The following NDUFS1 variants were observed in gnomAD, a reference collection of about 807,000 sequenced individuals.
The protein encoded by NDUFS1 is NADH-ubiquinone oxidoreductase 75 kDa subunit, mitochondrial.
Under a neutral mutation model 84.4 loss-of-function variants are expected in NDUFS1, and 61 were observed. The ratio of observed to expected loss-of-function variants is 0.72; its 90% CI spans 0.59 to 0.89. The LOEUF (loss-of-function observed/expected upper bound fraction) is 0.89. Ranked by LOEUF, NDUFS1 falls within the 40% of genes least tolerant of loss-of-function variation. The pLI is 0.00. For synonymous variants in NDUFS1, 275 were observed against 290.0 expected (o/e 0.95, Z 0.53); for missense variants, 891 against 890.0 (o/e 1.00, Z -0.01).
At chr2:206,130,373 G>GC in intron 14 of NDUFS1, 131 bp from the exon 15 acceptor site, 1 of 1,200,592 alleles carries the variant, frequency 8.3e-7, no homozygotes, top group Non-Finnish European at 1.2e-6. Flanking sequence ...TTTTTTCTCG[G>GC]CGATAGAGTC....
chr2:206,139,455 G>A (rs1691850139), intron 12 of NDUFS1, among the ~76,000 whole-genome samples: 1 of 152,060 alleles, frequency 6.6e-6, no homozygotes, highest in African/African-American at 2.4e-5. Context: ...CCAGAGTGCT[G>A]GGATTATAAG....
Position 206,117,886 on chromosome 2 carries a change from T to C in NDUFS1, c.*6299A>G, listed in dbSNP as rs1176808239. On this transcript the variant is annotated 3_prime_UTR_variant, in exon 19 of 19. Transcript: ENST00000233190. Reference sequence around the variant, plus strand: ...TTTTTTTTGTATAGTCCTTTACAGATCCAAAATTATGATTTTAAGAAGGAA... The same window carrying C: ...TTTTTTTTGTATAGTCCTTTACAGACCCAAAATTATGATTTTAAGAAGGAA... 6.6e-6 allele frequency: 1 copy of C among 152,148 alleles called. No homozygotes were observed. The highest frequency in any genetic ancestry group is 1.5e-5 in the Non-Finnish European group (1 of 68,038). 9.4% of individuals were successfully genotyped at this position (152,148 alleles called of 1,614,324 possible).
intron 3 of NDUFS1, 71 bp downstream of exon 3, chr2:206,152,348 A>G: frequency 9.2e-7 from 1 of 1,081,452 alleles, no homozygotes; most frequent in Non-Finnish European, 1.4e-6. Flanking sequence ...AATAATCAGT[A>G]TAAAGGAAAT....
rs367762150 is a variant in NDUFS1, at chr2:206,159,397, C to G, written c.-61G>C. 9.3e-5 allele frequency: 48 copies of G among 516,476 alleles called. No individual in the cohort carries two copies. The East Asian group carries it at 1.2e-3, about 13-fold the overall frequency. 32.0% of individuals were successfully genotyped at this position (516,476 alleles called of 1,614,324 possible). On this transcript the variant is annotated 5_prime_UTR_variant, in exon 1 of 19. Transcript: ENST00000233190. ...TAAACTGTCTGGACCACGACGACCC[C>G]CTAGGAGGCCGGGTCGCTTATTCAA...
intron 7 of NDUFS1, 35 bp downstream of exon 7, chr2:206,147,496 T>C (rs1173615399): frequency 2.5e-6 from 4 of 1,571,980 alleles, no homozygotes; most frequent in Non-Finnish European, 2.6e-6. Context: ...TATACAATTA[T>C]ATTCTATAAT....
At position 206,123,987 on chromosome 2, in the gene NDUFS1, C is replaced by G. The variant is rs921590279; in HGVS notation, c.*198G>C. The stretch of plus-strand genomic sequence containing the variant: ...CATCTGCATAGTTTTGTTATTTAAC[C>G]TTTACACACAATACATGTTTTTCAA... On this transcript the variant is annotated 3_prime_UTR_variant, in exon 19 of 19. Transcript: ENST00000233190. The G allele has an allele frequency of 5.3e-6, 3 of 561,014 alleles. No homozygotes were observed. Among genetic ancestry groups the G allele is most frequent in the Non-Finnish European group, 9.4e-6 (3 of 318,288 alleles). 34.8% of individuals were successfully genotyped at this position (561,014 alleles called of 1,614,324 possible).
chr2:206,147,983 T>C (rs546639461), intron 5 of NDUFS1, 149 bp from the exon 6 acceptor site: 6 of 753,990 alleles, frequency 8.0e-6, no homozygotes, highest in Admixed American at 2.0e-5. Flanking sequence ...AGTGGCACAA[T>C]CTTGGCTCAC....
Position 206,116,477 on chromosome 2 carries a change from G to C in NDUFS1, c.*7708C>G, listed in dbSNP as rs1681537392. The stretch of plus-strand genomic sequence containing the variant: ...GCAGGCTGCAGAGCACGGCCCGCAC[G>C]CTCCGCACCACTCGCAGCGCCATGT... On this transcript the variant is annotated 3_prime_UTR_variant, in exon 19 of 19. Transcript: ENST00000233190. The C allele has an allele frequency of 1.7e-6, 2 of 1,200,262 alleles. No homozygotes were observed. Among genetic ancestry groups the C allele is most frequent in the Admixed American group, 4.0e-5 (2 of 50,268 alleles). The allele number at this position is 1,200,262 out of a possible 1,614,324, so 74.4% of individuals were successfully genotyped here.
chr2:206,156,917 A>G (rs774946830), intron 1 of NDUFS1, among the ~76,000 whole-genome samples: 3 of 152,236 alleles, frequency 2.0e-5, no homozygotes, highest in Non-Finnish European at 4.4e-5. Context: ...AATGCCAGTT[A>G]AAGCTGAATT....
intron 13 of NDUFS1, among the ~76,000 whole-genome samples, chr2:206,133,835 C>G (rs948359674): frequency 6.6e-6 from 1 of 152,102 alleles, no homozygotes; most frequent in Non-Finnish European, 1.5e-5. Flanking sequence ...AAAAAATTAA[C>G]CAGGTGCGGT....
intron 13 of NDUFS1, among the ~76,000 whole-genome samples, chr2:206,137,020 T>C (rs1476533933): frequency 5.3e-5 from 8 of 152,074 alleles, no homozygotes; most frequent in African/African-American, 1.4e-4. Flanking sequence ...CCCAAAGTGC[T>C]GGGATTACAG....
chr2:206,150,029 C>CTATCTATA, intron 3 of NDUFS1, 104 bp from the exon 4 acceptor site: 1 of 694,366 alleles, frequency 1.4e-6, no homozygotes, highest in Non-Finnish European at 2.5e-6. Context: ...TTACTTCTAT[C>CTATCTATA]TATCTATCTA....
At chr2:206,140,690 G>A (rs1403470870) in intron 12 of NDUFS1, among the ~76,000 whole-genome samples, 2 of 151,642 alleles carry the variant, frequency 1.3e-5, no homozygotes, top group African/African-American at 4.8e-5. Flanking sequence ...TGTTGGTCAG[G>A]CTGGTCTCAA....
chr2:206,115,546 AT>A lies in NDUFS1; in HGVS notation c.*8638del, dbSNP rs35336229. Reference sequence around the variant, plus strand: ...TGGCCTCCAGAATTGTAAGAAGTAAATTTTTTTTTTTTTTAACGAAGAAGTG... The same window carrying A: ...TGGCCTCCAGAATTGTAAGAAGTAAATTTTTTTTTTTTTAACGAAGAAGTG... On this transcript the variant is annotated 3_prime_UTR_variant, in exon 19 of 19. Transcript: ENST00000233190. 6,211 of 167,224 alleles carry A rather than the reference AT, an allele frequency of 0.037. 57 individuals are homozygous for A. Among genetic ancestry groups the A allele is most frequent in the South Asian group, 0.064 (482 of 7,588 alleles). The allele number at this position is 167,224 out of a possible 1,614,324, so 10.4% of individuals were successfully genotyped here. A position where few individuals can be genotyped will look rare whatever the true frequency, so the allele number is the denominator to read the frequency against.
chr2:206,147,712 T>C (rs769041765), intron 6 of NDUFS1, 41 bp downstream of exon 6: 4 of 1,613,914 alleles, frequency 2.5e-6, no homozygotes, highest in Admixed American at 3.3e-5. Context: ...AAAATTAAAA[T>C]CTGAGACAAC....
At chr2:206,140,908 T>C (rs1208964819) in intron 12 of NDUFS1, among the ~76,000 whole-genome samples, 2 of 131,318 alleles carry the variant, frequency 1.5e-5, no homozygotes, top group South Asian at 2.3e-4. Flanking sequence ...CACACACACA[T>C]ATATATGTAG....
rs1035472208 is a variant in NDUFS1, at chr2:206,122,195, G to C, written c.*1990C>G. The stretch of plus-strand genomic sequence containing the variant: ...TTGCTATGCAGTCCAGGCTGGTCTT[G>C]AACTCCTGGCCTCAACTGATCTTCC... On this transcript the variant is annotated 3_prime_UTR_variant, in exon 19 of 19. Transcript: ENST00000233190. 1 of 151,486 alleles carries C rather than the reference G, an allele frequency of 6.6e-6. No individual in the cohort carries two copies. Among genetic ancestry groups the C allele is most frequent in the Non-Finnish European group, 1.5e-5 (1 of 67,882 alleles). 9.4% of individuals were successfully genotyped at this position (151,486 alleles called of 1,614,324 possible).
intron 1 of NDUFS1, among the ~76,000 whole-genome samples, chr2:206,154,657 C>T (rs1432366585): frequency 2.6e-5 from 4 of 152,138 alleles, no homozygotes; most frequent in Non-Finnish European, 5.9e-5. Flanking sequence ...GGAGTCTCGC[C>T]CTATCACCCA....
intron 3 of NDUFS1, among the ~76,000 whole-genome samples, chr2:206,151,935 G>C (rs1040139128): frequency 2.6e-5 from 4 of 151,858 alleles, no homozygotes; most frequent in African/African-American, 9.7e-5. Context: ...GCACAATCTC[G>C]GCTCACTGCA....
Sources: gnomAD v4.1 joint callset for allele counts (sites outside exome capture counted in the v4.1 genomes callset) on GRCh38, gnomAD v4.1.1 for gene constraint, MANE v1.5 for transcripts, NCBI Gene and HGNC (gene_info 2026-07-23, HGNC 2026-07-21) for gene names.